AGAP1: variants seen among roughly 807,000 people sequenced by gnomAD.
AGAP1 encodes the protein arf-GAP with GTPase, ANK repeat and PH domain-containing protein 1.
Under a neutral mutation model 105.3 loss-of-function variants are expected in AGAP1, and 29 were observed. The observed-to-expected ratio is 0.28, with a 90% CI of 0.21 to 0.38. The LOEUF (loss-of-function observed/expected upper bound fraction) is 0.38. Ranked by LOEUF, AGAP1 falls within the 10% of genes least tolerant of loss-of-function variation. AGAP1 has a pLI of 1.00. For synonymous variants in AGAP1, 509 were observed against 485.9 expected (o/e 1.05, Z -0.63); for missense variants, 998 against 1,165.1 (o/e 0.86, Z 2.09).
intron 9 of AGAP1, chr2:235,852,740 G>T: frequency 6.5e-7 from 1 of 1,540,554 alleles, no homozygotes; most frequent in Non-Finnish European, 8.8e-7. Context: ...CAGGCCTGCT[G>T]GAGCCCGTGC....
Position 235,982,987 on chromosome 2 carries a change from AAAG to A in AGAP1, c.1645+14365_1645+14367del, listed in dbSNP as rs566559769. 6.6e-6 allele frequency among the ~76,000 whole-genome samples: 1 copy of A among 152,168 alleles called. No homozygotes were observed. The highest frequency in any genetic ancestry group is 1.5e-5 in the Non-Finnish European group (1 of 68,030). On this transcript the variant is annotated intron_variant, in intron 13 of 17. Coordinates refer to ENST00000304032, the MANE Select transcript of AGAP1 (RefSeq NM_001037131.3). The surrounding 1 kb of genome is among the most constrained non-coding windows in gnomAD (Gnocchi z 4.9). ...TTTAATTTTTTTTCCCAACCCCTAA[AAAG>A]CATTTGCAAACACTCCTCCACACTG...
intron 1 of AGAP1, among the ~76,000 whole-genome samples, chr2:235,576,595 G>A (rs556432331): frequency 1.3e-5 from 2 of 152,300 alleles, no homozygotes; most frequent in South Asian, 2.1e-4. Context: ...CCAAGTGGTC[G>A]TGCTGTGCCC....
intron 13 of AGAP1, among the ~76,000 whole-genome samples, chr2:235,972,657 G>A (rs2054698804): frequency 6.6e-6 from 1 of 152,134 alleles, no homozygotes; most frequent in Non-Finnish European, 1.5e-5. Context: ...CCCCTCCTTG[G>A]CCAAATCCAA....
At chr2:236,063,278 C>T (rs1340599922) in intron 16 of AGAP1, among the ~76,000 whole-genome samples, 2 of 151,684 alleles carry the variant, frequency 1.3e-5, no homozygotes, top group African/African-American at 2.4e-5. Flanking sequence ...TTAGTAGAGA[C>T]GGGGTTTCAC....
rs1292985508 is a variant in AGAP1, at chr2:235,994,724, T to A, written c.1645+26101T>A. Among the ~76,000 whole-genome samples the A allele has an allele frequency of 1.3e-5, 2 of 151,746 alleles. No homozygotes were observed. Among genetic ancestry groups the A allele is most frequent in the Admixed American group, 6.6e-5 (1 of 15,224 alleles). ...TCCACGTTACACAAACACACAAGCT[T>A]CTCAGGGGAAGAGCATGATGAATTT... On this transcript the variant is annotated intron_variant, in intron 13 of 17. Transcript: ENST00000304032. The surrounding 1 kb of genome is among the most constrained non-coding windows in gnomAD (Gnocchi z 4.4).
chr2:235,676,047 C>T (rs1315653254), intron 1 of AGAP1, among the ~76,000 whole-genome samples: 1 of 152,182 alleles, frequency 6.6e-6, no homozygotes, highest in Non-Finnish European at 1.5e-5. Flanking sequence ...CTTTTTAATG[C>T]ATTAACAAAC....
chr2:235,801,597 G>C lies in AGAP1; in HGVS notation c.957+2075G>C, dbSNP rs1957497540. Among the ~76,000 whole-genome samples the C allele has an allele frequency of 6.6e-6, 1 of 152,050 alleles. No homozygotes were observed. The highest frequency in any genetic ancestry group is 1.5e-5 in the Non-Finnish European group (1 of 67,986). Reference sequence around the variant, plus strand: ...AGCAGCCCCTGTCTACCCCCAGGCTGGGGGGCTTTGGGTTGAAGTGTTTCC... The same window carrying C: ...AGCAGCCCCTGTCTACCCCCAGGCTCGGGGGCTTTGGGTTGAAGTGTTTCC... On this transcript the variant is annotated intron_variant, in intron 8 of 17. Coordinates refer to ENST00000304032, the MANE Select transcript of AGAP1 (RefSeq NM_001037131.3). The surrounding 1 kb of genome is among the most constrained non-coding windows in gnomAD (Gnocchi z 6.0).
intron 1 of AGAP1, among the ~76,000 whole-genome samples, chr2:235,703,120 G>C (rs1329829264): frequency 6.6e-6 from 1 of 151,852 alleles, no homozygotes; most frequent in Admixed American, 6.6e-5. Context: ...TGGAGACTGG[G>C]TGTCACCATG....
At position 235,744,576 on chromosome 2, in the gene AGAP1, A is replaced by AC; in HGVS notation, c.397-119dup. The AC allele has an allele frequency of 8.3e-7, 1 of 1,204,582 alleles. No individual in the cohort carries two copies. Among genetic ancestry groups the AC allele is most frequent in the South Asian group, 1.4e-5 (1 of 71,730 alleles). 74.6% of individuals were successfully genotyped at this position (1,204,582 alleles called of 1,614,324 possible). ...TAAAAGTGACAGTCAAAAGTCAAGC[A>AC]CCCAGTGTGTGACCGAGGGGATTCC... is the stretch of plus-strand genomic sequence containing the variant. On this transcript the variant is annotated intron_variant, in intron 4 of 17. Transcript: ENST00000304032. The surrounding 1 kb of genome is among the most constrained non-coding windows in gnomAD (Gnocchi z 5.2).
intron 2 of AGAP1, among the ~76,000 whole-genome samples, chr2:235,709,791 C>T (rs923436536): frequency 6.6e-6 from 1 of 152,182 alleles, no homozygotes; most frequent in Non-Finnish European, 1.5e-5. Flanking sequence ...TTCAAATTGG[C>T]ACGTGTAAAA....
chr2:235,922,579 G>A (rs900862988), intron 11 of AGAP1, among the ~76,000 whole-genome samples: 2 of 152,202 alleles, frequency 1.3e-5, no homozygotes, highest in Admixed American at 6.5e-5. Flanking sequence ...GTAAAGATTT[G>A]TTGATGAATC....
intron 1 of AGAP1, among the ~76,000 whole-genome samples, chr2:235,673,357 C>T (rs1482597552): frequency 6.6e-6 from 1 of 152,214 alleles, no homozygotes; most frequent in African/African-American, 2.4e-5. Flanking sequence ...AGCCCAAGCT[C>T]AGTTTCCCTG....
At chr2:235,850,355 A>G (rs1199366005) in intron 9 of AGAP1, among the ~76,000 whole-genome samples, 1 of 152,178 alleles carries the variant, frequency 6.6e-6, no homozygotes, top group East Asian at 1.9e-4. Flanking sequence ...TTGCTCTACT[A>G]ATGCGTGGCC....
Position 235,635,077 on chromosome 2 carries a change from C to T in AGAP1, c.164-74102C>T, listed in dbSNP as rs191981300. Among the ~76,000 whole-genome samples the T allele has an allele frequency of 6.6e-6, 1 of 152,270 alleles. No individual in the cohort carries two copies. Among genetic ancestry groups the T allele is most frequent in the African/African-American group, 2.4e-5 (1 of 41,554 alleles). On this transcript the variant is annotated intron_variant, in intron 1 of 17. Coordinates refer to ENST00000304032, the MANE Select transcript of AGAP1 (RefSeq NM_001037131.3). This position sits in a 1 kb window ranked among gnomAD's most constrained non-coding sequence, Gnocchi z 5.3. ...TTTTCCCTCTGAAGCGTGAATGTTT[C>T]CTCTCCAGTTGGGAATCTCCTGCCT... is the stretch of plus-strand genomic sequence containing the variant.
chr2:236,066,389 T>C (rs1027996425), intron 16 of AGAP1, among the ~76,000 whole-genome samples: 33 of 152,076 alleles, frequency 2.2e-4, no homozygotes, highest in African/African-American at 8.0e-4. Flanking sequence ...CCACGCCCAG[T>C]TCATTTTCGT....
At chr2:235,711,801 C>T (rs888725542) in intron 2 of AGAP1, among the ~76,000 whole-genome samples, 5 of 152,170 alleles carry the variant, frequency 3.3e-5, no homozygotes, top group Admixed American at 3.3e-4. Context: ...GCAATTGTTT[C>T]CCTCCTAGCG....
chr2:235,535,279 C>G lies in AGAP1; in HGVS notation c.163+40430C>G, dbSNP rs1309491425. Among the ~76,000 whole-genome samples, 1 of 152,162 alleles carries G rather than the reference C, an allele frequency of 6.6e-6. No homozygotes were observed. Among genetic ancestry groups the G allele is most frequent in the African/African-American group, 2.4e-5 (1 of 41,458 alleles). On this transcript the variant is annotated intron_variant, in intron 1 of 17. Coordinates refer to ENST00000304032, the MANE Select transcript of AGAP1 (RefSeq NM_001037131.3). This position sits in a 1 kb window ranked among gnomAD's most constrained non-coding sequence, Gnocchi z 5.1. Reference sequence around the variant, plus strand: ...TGCCTCCCGTTTCATCTGCACGTCTCTTTCAATGCGGGCGTGCGAACTTCC... The same window carrying G: ...TGCCTCCCGTTTCATCTGCACGTCTGTTTCAATGCGGGCGTGCGAACTTCC...
chr2:235,704,422 C>T (rs13417766), intron 1 of AGAP1, among the ~76,000 whole-genome samples: 25,604 of 152,106 alleles, frequency 0.17, 2,518 homozygotes, highest in East Asian at 0.41. Context: ...CCGAGGCCAG[C>T]GGATCACGAG....
chr2:235,556,885 C>T lies in AGAP1; in HGVS notation c.163+62036C>T, dbSNP rs1349725238. 6.6e-6 allele frequency among the ~76,000 whole-genome samples: 1 copy of T among 152,170 alleles called. No individual in the cohort carries two copies. Among genetic ancestry groups the T allele is most frequent in the Non-Finnish European group, 1.5e-5 (1 of 68,030 alleles). On this transcript the variant is annotated intron_variant, in intron 1 of 17. Coordinates refer to ENST00000304032, the MANE Select transcript of AGAP1 (RefSeq NM_001037131.3). This position sits in a 1 kb window ranked among gnomAD's most constrained non-coding sequence, Gnocchi z 5.3. The stretch of plus-strand genomic sequence containing the variant: ...ACCTAAGCTTGTGTGGTCTTTTGCT[C>T]TTCATTGGCAATGTAGAAGTCAAGT...
Sources: gnomAD v4.1 joint callset for allele counts (sites outside exome capture counted in the v4.1 genomes callset) on GRCh38, gnomAD v4.1.1 for gene constraint, Gnocchi (gnomAD v3.1) non-coding constraint, MANE v1.5 for transcripts, NCBI Gene and HGNC (gene_info 2026-07-23, HGNC 2026-07-21) for gene names.